The following IL1RAPL2 variants were observed in gnomAD, a reference collection of about 807,000 sequenced individuals.
IL1RAPL2 encodes the protein X-linked interleukin-1 receptor accessory protein-like 2.
A neutral mutation model predicts 44.1 loss-of-function variants in IL1RAPL2; 3 were observed. The ratio of observed to expected loss-of-function variants is 0.07; its 90% CI spans 0.03 to 0.18. The LOEUF is 0.18. IL1RAPL2 is among the 10% of genes least tolerant of loss of function. The pLI, the probability that IL1RAPL2 is intolerant of heterozygous loss-of-function variation, is 1.00. For synonymous variants in IL1RAPL2, 181 were observed against 178.8 expected (o/e 1.01, Z -0.10); for missense variants, 391 against 496.4 (o/e 0.79, Z 2.02).
intron 5 of IL1RAPL2, among the ~76,000 whole-genome samples, chrX:105,418,068 G>C (rs1355068200): frequency 9.0e-6 from 1 of 111,196 alleles, no homozygotes; most frequent in Non-Finnish European, 1.9e-5. Context: ...ACCTCGCTTA[G>C]CTCTTAGTAC....
At chrX:105,678,581 C>A (rs748755047) in intron 6 of IL1RAPL2, among the ~76,000 whole-genome samples, 2 of 109,902 alleles carry the variant, frequency 1.8e-5, no homozygotes, top group South Asian at 4.0e-4. Context: ...ACTCACAATG[C>A]ATTTTATAGG....
chrX:104,568,068 C>T (rs1019871230), intron 1 of IL1RAPL2, among the ~76,000 whole-genome samples: 8 of 111,545 alleles, frequency 7.2e-5, no homozygotes, highest in African/African-American at 2.6e-4. Context: ...CAGTTGAAAG[C>T]TACTCTAGAG....
chrX:105,067,682 A>G (rs1050439723), intron 2 of IL1RAPL2, among the ~76,000 whole-genome samples: 14 of 112,302 alleles, frequency 1.2e-4, no homozygotes, highest in African/African-American at 3.9e-4. Context: ...TTAATTGTAT[A>G]TTAAAGTGCT....
chrX:105,474,017 G>T (rs753643543), intron 5 of IL1RAPL2, among the ~76,000 whole-genome samples: 1 of 111,352 alleles, frequency 9.0e-6, no homozygotes, highest in Admixed American at 9.6e-5. Context: ...GAATATGGTA[G>T]GTTCTATAGC....
rs192966602 is a variant in IL1RAPL2, at chrX:105,521,855, A to G, written c.772+37468A>G. 2.2e-3 allele frequency among the ~76,000 whole-genome samples: 244 copies of G among 112,505 alleles called. 2 individuals carry two copies. Among genetic ancestry groups the G allele is most frequent in the African/African-American group, 7.6e-3 (236 of 31,024 alleles). On this transcript the variant is annotated intron_variant, in intron 6 of 10. Transcript: ENST00000372582. ...TAAATAATCCTTACCGCCAAGAAACATAAGAGACCCTGTCTGTATAACTAC... is the reference window on the plus strand; with the variant it reads ...TAAATAATCCTTACCGCCAAGAAACGTAAGAGACCCTGTCTGTATAACTAC...
intron 2 of IL1RAPL2, among the ~76,000 whole-genome samples, chrX:104,735,502 GA>G (rs774969634): frequency 9.0e-6 from 1 of 111,302 alleles, no homozygotes; most frequent in Non-Finnish European, 1.9e-5. Context: ...CTAATGGAAA[GA>G]GAGAAATTAG....
At chrX:104,745,155 G>C (rs1389517377) in intron 2 of IL1RAPL2, among the ~76,000 whole-genome samples, 1 of 111,964 alleles carries the variant, frequency 8.9e-6, no homozygotes, top group African/African-American at 3.2e-5. Flanking sequence ...GCTTTTAACT[G>C]TGACTATTGA....
intron 1 of IL1RAPL2, among the ~76,000 whole-genome samples, chrX:104,632,778 T>A (rs1398729142): frequency 2.8e-5 from 3 of 108,724 alleles, no homozygotes; most frequent in Non-Finnish European, 5.8e-5. Flanking sequence ...TACAATCATG[T>A]CATCTGCAAA....
At chrX:105,279,770 G>A (rs1322763566) in intron 5 of IL1RAPL2, among the ~76,000 whole-genome samples, 1 of 112,158 alleles carries the variant, frequency 8.9e-6, no homozygotes, top group Non-Finnish European at 1.9e-5. Context: ...GAGCCACCAC[G>A]CCTGGCCCAT....
At chrX:104,692,794 G>T (rs775617804) in intron 2 of IL1RAPL2, among the ~76,000 whole-genome samples, 2 of 111,470 alleles carry the variant, frequency 1.8e-5, no homozygotes, top group Admixed American at 1.9e-4. Flanking sequence ...GAATAGTGCC[G>T]CTATAAACAT....
intron 6 of IL1RAPL2, among the ~76,000 whole-genome samples, chrX:105,560,922 T>C (rs978429313): frequency 1.3e-4 from 14 of 110,423 alleles, no homozygotes; most frequent in African/African-American, 4.6e-4. Context: ...TATACATATA[T>C]GTATATACTG....
At chrX:105,366,730 A>T (rs918428889) in intron 5 of IL1RAPL2, among the ~76,000 whole-genome samples, 15 of 111,390 alleles carry the variant, frequency 1.3e-4, no homozygotes, top group African/African-American at 3.9e-4. Context: ...GTCTTCTTAA[A>T]TTTGTTAAAA....
intron 2 of IL1RAPL2, among the ~76,000 whole-genome samples, chrX:104,985,119 A>G (rs2030536021): frequency 1.8e-5 from 2 of 108,213 alleles, no homozygotes; most frequent in African/African-American, 6.7e-5. Context: ...ATGGAGTCTC[A>G]CTGTGTTGCC....
At position 105,477,463 on chromosome X, in the gene IL1RAPL2, T is replaced by TA. The variant is rs769312255; in HGVS notation, c.698-6843dup. On this transcript the variant is annotated intron_variant, in intron 5 of 10. Coordinates refer to ENST00000372582, the MANE Select transcript of IL1RAPL2 (RefSeq NM_017416.2). ...TCAAGCAATTATCAGCTAATCACAATAAAAAAATGACAAGTATTCCAAAGA... is the reference window on the plus strand; with the variant it reads ...TCAAGCAATTATCAGCTAATCACAATAAAAAAAATGACAAGTATTCCAAAGA... Among the ~76,000 whole-genome samples the TA allele has an allele frequency of 9.6e-3, 1,073 of 111,275 alleles. 9 individuals carry two copies. Among genetic ancestry groups the TA allele is most frequent in the South Asian group, 0.045 (118 of 2,644 alleles).
At chrX:104,683,549 T>C (rs1930926443) in intron 2 of IL1RAPL2, among the ~76,000 whole-genome samples, 2 of 112,174 alleles carry the variant, frequency 1.8e-5, no homozygotes, top group Admixed American at 1.9e-4. Context: ...CTGTGAAATA[T>C]TTTGTTTGAA....
intron 3 of IL1RAPL2, among the ~76,000 whole-genome samples, chrX:105,227,769 G>T (rs782661491): frequency 8.0e-4 from 89 of 111,757 alleles, no homozygotes; most frequent in Non-Finnish European, 1.4e-3. Flanking sequence ...ACATCTGAAA[G>T]TCCCCTTTCC....
chrX:105,657,016 G>A (rs1387670161), intron 6 of IL1RAPL2, among the ~76,000 whole-genome samples: 4 of 110,831 alleles, frequency 3.6e-5, no homozygotes, highest in East Asian at 2.8e-4. Flanking sequence ...CATTTCCTCC[G>A]TGTCACATTT....
chrX:105,218,798 C>G (rs2033895784), intron 3 of IL1RAPL2: 1 of 462,673 alleles, frequency 2.2e-6, no homozygotes, highest in Non-Finnish European at 3.6e-6. Context: ...GTCACCACCC[C>G]TATCTCTGAA....
chrX:105,241,872 T>C (rs1367740553), intron 4 of IL1RAPL2, among the ~76,000 whole-genome samples: 1 of 112,279 alleles, frequency 8.9e-6, no homozygotes, highest in East Asian at 2.8e-4. Flanking sequence ...CACATTCCCA[T>C]GCCTTCTTAT....
Sources: gnomAD v4.1 joint callset for allele counts (sites outside exome capture counted in the v4.1 genomes callset) on GRCh38, gnomAD v4.1.1 for gene constraint, MANE v1.5 for transcripts, NCBI Gene and HGNC (gene_info 2026-07-23, HGNC 2026-07-21) for gene names.